RYR3: variants seen among roughly 807,000 people sequenced by gnomAD.
RYR3 encodes ryanodine receptor 3.
RYR3 carries 207 observed loss-of-function variants against 584.3 expected under a neutral mutation model. The ratio of observed to expected loss-of-function variants is 0.35; its 90% CI spans 0.32 to 0.40. The LOEUF (loss-of-function observed/expected upper bound fraction) is 0.40, where lower values mean the gene tolerates loss of function less well. Among genes scored for constraint, RYR3 ranks in the 10% least tolerant of loss-of-function variants. RYR3 has a pLI of 1.00. For synonymous variants in RYR3, 2,416 were observed against 2,248.5 expected (o/e 1.07, Z -2.11); for missense variants, 5,616 against 6,089.2 (o/e 0.92, Z 2.59).
At chr15:33,820,432 C>A (rs1441721789) in intron 77 of RYR3, among the ~76,000 whole-genome samples, 1 of 152,202 alleles carries the variant, frequency 6.6e-6, no homozygotes, top group Admixed American at 6.5e-5. Context: ...TGGCAGCTCC[C>A]TGCATTCCTG....
chr15:33,838,062 T>C lies in RYR3; in HGVS notation c.12082T>C (p.Tyr4028His). ...AESVLNYFEP[Y>H]LGRIEIMGGA... Reference sequence around the variant, plus strand: ...AAGTGTGCTAAATTACTTCGAACCCTACCTAGGACGCATCGAGATCATGGG... The same window carrying C: ...AAGTGTGCTAAATTACTTCGAACCCCACCTAGGACGCATCGAGATCATGGG... Residue 4028 changes from tyrosine (Y) to histidine (H), a missense_variant, in exon 89 of 104, where the codon TAC becomes CAC. By Grantham distance (83) the Tyr-to-His change is moderately conservative (BLOSUM62 2). Around this residue, in one of 9 missense-constraint regions of RYR3, gnomAD observed 258 missense variants for 297.3 expected, o/e 0.87. Coordinates refer to ENST00000634891, the MANE Select transcript of RYR3 (RefSeq NM_001036.6). 1 of 1,613,970 alleles carries C rather than the reference T, an allele frequency of 6.2e-7. No homozygotes were observed. Among genetic ancestry groups the C allele is most frequent in the Non-Finnish European group, 8.5e-7 (1 of 1,179,882 alleles).
rs2062335772 is a variant in RYR3 at position 33,649,545 on chromosome 15, C to T, written c.4142+310C>T. Among the ~76,000 whole-genome samples, 4 of 152,160 alleles carry T rather than the reference C, an allele frequency of 2.6e-5. No homozygotes were observed. The South Asian group carries it at 8.3e-4, about 32-fold the overall frequency. On this transcript the variant is annotated intron_variant, in intron 31 of 103. Coordinates refer to ENST00000634891, the MANE Select transcript of RYR3 (RefSeq NM_001036.6). ...TCTGGGCAAGTCCCAGTTTCTACAACATCAGAACAAGACAGAGAAAATCTC... is the reference window on the plus strand; with the variant it reads ...TCTGGGCAAGTCCCAGTTTCTACAATATCAGAACAAGACAGAGAAAATCTC...
chr15:33,855,052 A>C (rs1008417655), intron 98 of RYR3, 140 bp downstream of exon 98: 30 of 856,662 alleles, frequency 3.5e-5, no homozygotes, highest in Middle Eastern at 3.0e-4. Flanking sequence ...ACTTCAACTA[A>C]TGGTGATTGT....
At chr15:33,344,465 G>A (rs1972196643) in intron 1 of RYR3, among the ~76,000 whole-genome samples, 1 of 151,962 alleles carries the variant, frequency 6.6e-6, no homozygotes, top group South Asian at 2.1e-4. Context: ...CCATTTGCTT[G>A]TTTTTGTACG....
rs2068952718 is a variant in RYR3, at chr15:33,731,523, G to T, written c.7253G>T (p.Cys2418Phe). 6.2e-7 allele frequency: 1 copy of T among 1,613,624 alleles called. No homozygotes were observed. Among genetic ancestry groups the T allele is most frequent in the African/African-American group, 1.3e-5 (1 of 74,898 alleles). The change falls in exon 48 of 104, where the codon TGT (cysteine) becomes TTT (phenylalanine). Residue 2418 changes from cysteine to phenylalanine, a missense_variant. Physicochemically the swap from Cys to Phe is radical, Grantham distance 205. Coordinates refer to ENST00000634891, the MANE Select transcript of RYR3 (RefSeq NM_001036.6). ...EAALALNRYI[C>F]SAVLPLLTRC... ...GCGCTTGCACTAAATAGGTATATAT[G>T]TTCTGCTGTGCTCCCGCTCCTCACA...
intron 59 of RYR3, 139 bp from the exon 60 acceptor site, chr15:33,757,336 C>T (rs2152861199): frequency 4.4e-6 from 4 of 911,024 alleles, no homozygotes; most frequent in East Asian, 5.3e-5. Flanking sequence ...GAAACTGGGA[C>T]CAAAGGGGTA....
chr15:33,760,328 CACAG>C (rs1262223868), intron 60 of RYR3, among the ~76,000 whole-genome samples: 1 of 152,042 alleles, frequency 6.6e-6, no homozygotes, highest in Non-Finnish European at 1.5e-5. Context: ...AATTAAAAGA[CACAG>C]ACAGGCAAAT....
At chr15:33,763,406 TTAAA>T in intron 60 of RYR3, among the ~76,000 whole-genome samples, 1 of 142,884 alleles carries the variant, frequency 7.0e-6, no homozygotes, top group Admixed American at 7.9e-5. Flanking sequence ...TACAAGGAAC[TTAAA>T]TAAATTTACA....
intron 102 of RYR3, among the ~76,000 whole-genome samples, chr15:33,863,826 T>G (rs1387424718): frequency 6.6e-6 from 1 of 152,196 alleles, no homozygotes; most frequent in Non-Finnish European, 1.5e-5. Flanking sequence ...GGCTACCATT[T>G]TATTGTTTTA....
intron 1 of RYR3, among the ~76,000 whole-genome samples, chr15:33,386,784 G>A (rs2041631684): frequency 6.6e-6 from 1 of 152,094 alleles, no homozygotes; most frequent in African/African-American, 2.4e-5. Flanking sequence ...GTAGAGTGTT[G>A]GTGGCTTATT....
At chr15:33,355,572 C>T (rs1973860256) in intron 1 of RYR3, among the ~76,000 whole-genome samples, 2 of 152,180 alleles carry the variant, frequency 1.3e-5, no homozygotes, top group South Asian at 4.1e-4. Flanking sequence ...ACAATCAAAG[C>T]CACGATTTAA....
chr15:33,345,288 C>A (rs1972312949), intron 1 of RYR3, among the ~76,000 whole-genome samples: 1 of 152,134 alleles, frequency 6.6e-6, no homozygotes. Flanking sequence ...TAGCTCACAG[C>A]ATTACAAAGG....
At chr15:33,616,302 A>G (rs956292254) in intron 19 of RYR3, among the ~76,000 whole-genome samples, 1 of 152,202 alleles carries the variant, frequency 6.6e-6, no homozygotes, top group Non-Finnish European at 1.5e-5. Flanking sequence ...ATTCTGAATC[A>G]TTAGTTCATC....
intron 1 of RYR3, among the ~76,000 whole-genome samples, chr15:33,426,912 A>C (rs566541392): frequency 6.6e-6 from 1 of 152,322 alleles, no homozygotes; most frequent in African/African-American, 2.4e-5. Flanking sequence ...TGATGGGATG[A>C]GAGAGCTCTG....
intron 89 of RYR3, among the ~76,000 whole-genome samples, chr15:33,839,401 C>T (rs928603964): frequency 6.6e-5 from 10 of 152,146 alleles, no homozygotes; most frequent in African/African-American, 2.2e-4. Flanking sequence ...TTTGATCATG[C>T]TTGGGACATT....
intron 18 of RYR3, among the ~76,000 whole-genome samples, chr15:33,608,352 C>T (rs1256363647): frequency 1.3e-5 from 2 of 152,182 alleles, no homozygotes; most frequent in African/African-American, 4.8e-5. Context: ...ATGTGGAATA[C>T]AAGACCCTTC....
intron 1 of RYR3, among the ~76,000 whole-genome samples, chr15:33,341,046 TG>T (rs1971753148): frequency 6.6e-6 from 1 of 152,162 alleles, no homozygotes; most frequent in African/African-American, 2.4e-5. Context: ...GACTTTGTTT[TG>T]TTTTGTTTTG....
intron 1 of RYR3, among the ~76,000 whole-genome samples, chr15:33,428,628 C>CA (rs1362851047): frequency 6.6e-6 from 1 of 151,602 alleles, no homozygotes; most frequent in Non-Finnish European, 1.5e-5. Context: ...GGAAGATGAG[C>CA]AAAAAAATAA....
chr15:33,719,327 A>G (rs1029480650), intron 43 of RYR3, among the ~76,000 whole-genome samples: 1 of 152,198 alleles, frequency 6.6e-6, no homozygotes, highest in African/African-American at 2.4e-5. Flanking sequence ...CGCAAGCTCA[A>G]CGTAGAACTC....
Sources: gnomAD v4.1 joint callset for allele counts (sites outside exome capture counted in the v4.1 genomes callset) on GRCh38, gnomAD v4.1.1 for gene constraint, gnomAD v4.1.1 regional missense constraint, MANE v1.5 for transcripts, NCBI Gene and HGNC (gene_info 2026-07-23, HGNC 2026-07-21) for gene names.